Variants in ELMOD1 observed in about 807,000 individuals in gnomAD.
The protein encoded by ELMOD1 is ELMO domain-containing protein 1.
ELMOD1 carries 21 observed loss-of-function variants against 46.7 expected under a neutral mutation model. The observed-to-expected ratio is 0.45, with a 90% CI of 0.32 to 0.65. The LOEUF is 0.65. ELMOD1 is among the 30% of genes least tolerant of loss of function. The pLI is 0.04. For missense variants in ELMOD1, 348 were observed against 407.8 expected, an observed-to-expected ratio of 0.85 and a Z score of 1.26; for synonymous variants, 122 against 138.2, an observed-to-expected ratio of 0.88 and a Z score of 0.82.
chr11:107,597,066 A>C lies in ELMOD1; in HGVS notation c.-86+5657A>C, dbSNP rs147544589. ...AAGAATGTTCATAGGTATGGAAGCC[A>C]ACATAGAAGCTGGTTTCTGTTGGTC... On this transcript the variant is annotated intron_variant, in intron 1 of 11. Transcript: ENST00000265840. Among the ~76,000 whole-genome samples, 996 of 152,310 alleles carry C rather than the reference A, an allele frequency of 6.5e-3. 9 individuals carry two copies. The highest frequency in any genetic ancestry group is 0.011 in the Non-Finnish European group (721 of 68,014).
intron 1 of ELMOD1, among the ~76,000 whole-genome samples, chr11:107,594,484 C>T (rs900008161): frequency 3.9e-5 from 6 of 152,076 alleles, no homozygotes; most frequent in African/African-American, 7.2e-5. Context: ...AATGGTACTT[C>T]GGTGAATGGA....
At chr11:107,643,691 C>T (rs1382080297) in intron 6 of ELMOD1, 4 of 516,930 alleles carry the variant, frequency 7.7e-6, no homozygotes, top group Non-Finnish European at 1.6e-5. Flanking sequence ...CTTCCATATA[C>T]CTGCATCTTG....
intron 2 of ELMOD1, among the ~76,000 whole-genome samples, chr11:107,627,374 G>A (rs1181854172): frequency 6.6e-6 from 1 of 152,194 alleles, no homozygotes; most frequent in Non-Finnish European, 1.5e-5. Flanking sequence ...TCACAGAGTG[G>A]TGAACCCTAA....
chr11:107,640,088 C>T (rs1866294784), intron 6 of ELMOD1, among the ~76,000 whole-genome samples: 1 of 152,170 alleles, frequency 6.6e-6, no homozygotes, highest in South Asian at 2.1e-4. Context: ...ACCACAACCT[C>T]CACCTCCCAG....
At chr11:107,599,290 A>G (rs1865547224) in intron 1 of ELMOD1, among the ~76,000 whole-genome samples, 1 of 152,260 alleles carries the variant, frequency 6.6e-6, no homozygotes, top group African/African-American at 2.4e-5. Context: ...TCATTTTAAC[A>G]TTTATGAAAT....
At chr11:107,597,901 G>A (rs1865520795) in intron 1 of ELMOD1, among the ~76,000 whole-genome samples, 1 of 152,038 alleles carries the variant, frequency 6.6e-6, no homozygotes, top group Admixed American at 6.6e-5. Context: ...CCATAAAATA[G>A]GCTTGTGTCC....
chr11:107,631,390 T>A, intron 4 of ELMOD1, among the ~76,000 whole-genome samples, 190 bp from the exon 5 acceptor site: 2 of 67,354 alleles, frequency 3.0e-5, no homozygotes, highest in Non-Finnish European at 5.4e-5. Flanking sequence ...ATCAGGAAAA[T>A]TGCACTACCC....
At chr11:107,662,506 AG>A (rs146317775) in intron 11 of ELMOD1, among the ~76,000 whole-genome samples, 36,438 of 151,366 alleles carry the variant, frequency 0.24, 8,832 homozygotes, top group African/African-American at 0.62. Context: ...GCTACTCAGG[AG>A]GCTGAGGCAG....
chr11:107,640,982 TTC>T (rs1866312457), intron 6 of ELMOD1, among the ~76,000 whole-genome samples: 1 of 152,180 alleles, frequency 6.6e-6, no homozygotes, highest in Non-Finnish European at 1.5e-5. Flanking sequence ...ACTACAATAT[TTC>T]TTCAGTCCTA....
In ELMOD1 at chr11:107,631,770, C is replaced by T. The variant is rs967759917; in HGVS notation, c.290+93C>T. 15 of 603,020 alleles carry T rather than the reference C, an allele frequency of 2.5e-5. No individual in the cohort carries two copies. In the African/African-American group the frequency reaches 2.5e-4, roughly 10 times the overall value. The allele number at this position is 603,020 out of a possible 1,614,324, so 37.4% of individuals were successfully genotyped here. A position where few individuals can be genotyped will look rare whatever the true frequency, so the allele number is the denominator to read the frequency against. ...CTGTCTCCTCTCTTTTTTTTTCTCC[C>T]TCTCTCCCTAAAATAATCATCTGCC... is the stretch of plus-strand genomic sequence containing the variant. On this transcript the variant is annotated intron_variant, in intron 5 of 11. Coordinates refer to ENST00000265840, the MANE Select transcript of ELMOD1 (RefSeq NM_018712.4).
At chr11:107,655,851 G>A (rs1456581780) in intron 10 of ELMOD1, 82 bp from the exon 11 acceptor site, 3 of 1,432,622 alleles carry the variant, frequency 2.1e-6, no homozygotes, top group Non-Finnish European at 2.8e-6. Flanking sequence ...GGCACTGGTA[G>A]GAGTGTCTTT....
At chr11:107,595,969 T>C (rs1865486142) in intron 1 of ELMOD1, among the ~76,000 whole-genome samples, 1 of 152,098 alleles carries the variant, frequency 6.6e-6, no homozygotes, top group Admixed American at 6.5e-5. Flanking sequence ...TTTTTTTTGC[T>C]TTTTTGGTGC....
intron 1 of ELMOD1, among the ~76,000 whole-genome samples, chr11:107,598,700 T>C (rs1315330714): frequency 6.6e-6 from 1 of 152,194 alleles, no homozygotes; most frequent in Non-Finnish European, 1.5e-5. Flanking sequence ...CAGTGCCCCT[T>C]GACCAGTGCT....
intron 1 of ELMOD1, among the ~76,000 whole-genome samples, chr11:107,598,399 C>G (rs541246942): frequency 1.3e-5 from 2 of 152,266 alleles, no homozygotes; most frequent in South Asian, 2.1e-4. Context: ...CAATGCCCAC[C>G]CACACTGGGA....
intron 1 of ELMOD1, among the ~76,000 whole-genome samples, chr11:107,612,974 C>T (rs778623555): frequency 6.6e-6 from 1 of 152,224 alleles, no homozygotes; most frequent in Non-Finnish European, 1.5e-5. Context: ...GGGGGACAGA[C>T]AATTAGAACT....
At chr11:107,593,964 A>C (rs1461689762) in intron 1 of ELMOD1, among the ~76,000 whole-genome samples, 1 of 152,236 alleles carries the variant, frequency 6.6e-6, no homozygotes, top group Non-Finnish European at 1.5e-5. Context: ...ACTCATGCTT[A>C]AAAGTGAACA....
At chr11:107,620,420 A>G (rs1005453043) in intron 2 of ELMOD1, 1 of 152,256 alleles carries the variant, frequency 6.6e-6, no homozygotes, top group Admixed American at 6.5e-5. Context: ...GAAAATATTC[A>G]ATGTATGTCA....
chr11:107,636,493 A>T (rs150841004), intron 6 of ELMOD1, among the ~76,000 whole-genome samples: 4 of 152,220 alleles, frequency 2.6e-5, no homozygotes, highest in Non-Finnish European at 4.4e-5. Context: ...CTGAAAATAG[A>T]TGCTTCTTTA....
chr11:107,644,298 A>T (rs896826633), intron 6 of ELMOD1, among the ~76,000 whole-genome samples: 1 of 151,530 alleles, frequency 6.6e-6, no homozygotes, highest in African/African-American at 2.4e-5. Flanking sequence ...CCTGTCTCCA[A>T]AGAAAAAAAA....
Sources: allele counts gnomAD v4.1 joint callset (sites outside exome capture counted in the v4.1 genomes callset), GRCh38; gene constraint gnomAD v4.1.1; transcripts MANE v1.5; gene names NCBI Gene and HGNC (gene_info 2026-07-23, HGNC 2026-07-21).